Variants in NEGR1 observed in about 807,000 individuals in gnomAD.
NEGR1 encodes the protein neuronal growth regulator 1.
NEGR1 carries 10 observed loss-of-function variants against 40.9 expected under a neutral mutation model. The ratio of observed to expected loss-of-function variants is 0.24; its 90% confidence interval spans 0.15 to 0.42. The LOEUF (loss-of-function observed/expected upper bound fraction) is 0.42. Among genes scored for constraint, NEGR1 ranks in the 10% least tolerant of loss-of-function variants. The probability of loss-of-function intolerance (pLI) is 1.00; values close to 1 mark genes in which losing one functional copy is unlikely to be tolerated. For missense variants in NEGR1, 352 were observed against 438.9 expected (o/e 0.80, Z 1.77); for synonymous variants, 185 against 166.8 (o/e 1.11, Z -0.84).
intron 6 of NEGR1, among the ~76,000 whole-genome samples, chr1:71,466,802 AC>A (rs1369562126): frequency 2.6e-5 from 4 of 151,978 alleles, no homozygotes; most frequent in African/African-American, 9.7e-5. Flanking sequence ...ATGGGTAGAA[AC>A]CCACAGGGGT....
At position 72,066,153 on chromosome 1, in the gene NEGR1, A is replaced by G. The variant is rs910565020; in HGVS notation, c.177-130842T>C. Among the ~76,000 whole-genome samples the G allele has an allele frequency of 2.0e-5, 3 of 152,168 alleles. No individual in the cohort carries two copies. The East Asian group carries it at 5.8e-4, about 29-fold the overall frequency. ...TTCCAATATGTCATGAATTGCATTT[A>G]AAGATATTTATACCAATTATACACA... On this transcript the variant is annotated intron_variant, in intron 1 of 6. Coordinates refer to ENST00000357731, the MANE Select transcript of NEGR1 (RefSeq NM_173808.3).
chr1:71,546,021 T>C lies in NEGR1; in HGVS notation c.940+46796A>G, dbSNP rs375965410. On this transcript the variant is annotated intron_variant, in intron 6 of 6. Transcript: ENST00000357731. ...TTATATCTGTGGAAATAAATCTGTGTCTGATAAACAGACAGGAGTTAAACC... is the reference window on the plus strand; with the variant it reads ...TTATATCTGTGGAAATAAATCTGTGCCTGATAAACAGACAGGAGTTAAACC... Among the ~76,000 whole-genome samples, 574 of 151,888 alleles carry C rather than the reference T, an allele frequency of 3.8e-3. 4 individuals carry two copies. Among genetic ancestry groups the C allele is most frequent in the Admixed American group, 5.6e-3 (86 of 15,232 alleles).
At chr1:71,821,592 C>T (rs375751540) in intron 2 of NEGR1, among the ~76,000 whole-genome samples, 7 of 152,034 alleles carry the variant, frequency 4.6e-5, no homozygotes, top group South Asian at 2.1e-4. Context: ...TGCAACAGCC[C>T]CACCACTTGG....
At chr1:71,662,688 A>AAT (rs532316008) in intron 4 of NEGR1, among the ~76,000 whole-genome samples, 16 of 151,250 alleles carry the variant, frequency 1.1e-4, no homozygotes, top group East Asian at 5.8e-4. Context: ...TACAATCAAG[A>AAT]ATATATATAT....
chr1:71,563,325 C>T (rs930383116), intron 6 of NEGR1, among the ~76,000 whole-genome samples: 1 of 151,876 alleles, frequency 6.6e-6, no homozygotes, highest in Non-Finnish European at 1.5e-5. Context: ...GTGCATGAAC[C>T]CAAGATAGGG....
At chr1:71,751,217 T>C (rs570760236) in intron 3 of NEGR1, among the ~76,000 whole-genome samples, 1 of 152,280 alleles carries the variant, frequency 6.6e-6, no homozygotes. Flanking sequence ...AACTCTTAGC[T>C]AAGATCAGTA....
intron 3 of NEGR1, among the ~76,000 whole-genome samples, chr1:71,731,423 A>G (rs917376707): frequency 2.6e-5 from 4 of 152,164 alleles, no homozygotes; most frequent in South Asian, 2.1e-4. Context: ...CTGGTGTCTG[A>G]AATTATACTT....
intron 1 of NEGR1, among the ~76,000 whole-genome samples, chr1:72,278,259 C>T (rs1656124935): frequency 6.6e-6 from 1 of 152,032 alleles, no homozygotes; most frequent in Non-Finnish European, 1.5e-5. Flanking sequence ...ATCTTTCTTC[C>T]TTTCTTCGAT....
chr1:71,416,046 A>T lies in NEGR1; in HGVS notation c.941-8476T>A, dbSNP rs538143508. ...GGCCTCTAGGGCATCATTTAGTTGA[A>T]GAAAAGAAGGTTTTACAGAAATAAA... On this transcript the variant is annotated intron_variant, in intron 6 of 6. Coordinates refer to ENST00000357731, the MANE Select transcript of NEGR1 (RefSeq NM_173808.3). Among the ~76,000 whole-genome samples, 9 of 152,302 alleles carry T rather than the reference A, an allele frequency of 5.9e-5. No homozygotes were observed. The South Asian group carries it at 1.9e-3, about 32-fold the overall frequency.
chr1:72,010,038 A>G (rs1233385899), intron 1 of NEGR1, among the ~76,000 whole-genome samples: 2 of 152,188 alleles, frequency 1.3e-5, no homozygotes, highest in East Asian at 3.8e-4. Context: ...CACTGGCAAA[A>G]AGGAGATTTA....
chr1:71,780,323 G>C (rs916450058), intron 2 of NEGR1, among the ~76,000 whole-genome samples: 1 of 152,152 alleles, frequency 6.6e-6, no homozygotes, highest in Admixed American at 6.5e-5. Context: ...ATTGATGAGT[G>C]TAAACTCATT....
chr1:72,005,152 C>G (rs943217870), intron 1 of NEGR1, among the ~76,000 whole-genome samples: 1 of 152,042 alleles, frequency 6.6e-6, no homozygotes, highest in Non-Finnish European at 1.5e-5. Flanking sequence ...TTGAAAATAA[C>G]ATATTTGGCA....
intron 2 of NEGR1, among the ~76,000 whole-genome samples, chr1:71,904,206 C>A (rs867520477): frequency 6.6e-6 from 1 of 151,744 alleles, no homozygotes; most frequent in South Asian, 2.1e-4. Context: ...AGAGGACTTG[C>A]GGATATTTAG....
intron 1 of NEGR1, among the ~76,000 whole-genome samples, chr1:71,949,411 A>C (rs879733898): frequency 3.3e-5 from 5 of 152,172 alleles, no homozygotes; most frequent in Non-Finnish European, 1.5e-5. Flanking sequence ...TGTCCTGCTA[A>C]ACTGTACAAG....
At chr1:71,603,508 A>G (rs1649989166) in intron 5 of NEGR1, among the ~76,000 whole-genome samples, 1 of 152,248 alleles carries the variant, frequency 6.6e-6, no homozygotes, top group South Asian at 2.1e-4. Context: ...TAATCCGGTT[A>G]GAATTATACA....
intron 4 of NEGR1, among the ~76,000 whole-genome samples, chr1:71,682,195 A>T (rs913651367): frequency 1.3e-5 from 2 of 151,540 alleles, no homozygotes; most frequent in African/African-American, 4.9e-5. Context: ...TATCTAACAC[A>T]TATTTTCTTT....
At chr1:71,606,895 A>T (rs1650092288) in intron 5 of NEGR1, among the ~76,000 whole-genome samples, 1 of 152,184 alleles carries the variant, frequency 6.6e-6, no homozygotes. Flanking sequence ...CTGCAGGCAG[A>T]GATAGGGCTA....
At chr1:72,249,579 A>C (rs1655017431) in intron 1 of NEGR1, among the ~76,000 whole-genome samples, 1 of 152,218 alleles carries the variant, frequency 6.6e-6, no homozygotes, top group Admixed American at 6.5e-5. Context: ...AAGGCAAGAT[A>C]AGAAACAAAG....
chr1:71,861,340 A>T (rs1047475744), intron 2 of NEGR1, among the ~76,000 whole-genome samples: 24 of 152,022 alleles, frequency 1.6e-4, no homozygotes, highest in African/African-American at 5.8e-4. Context: ...AATCTAAGAG[A>T]GGTGGACTGC....
Sources: gnomAD v4.1 joint callset for allele counts (sites outside exome capture counted in the v4.1 genomes callset) on GRCh38, gnomAD v4.1.1 for gene constraint, MANE v1.5 for transcripts, NCBI Gene and HGNC (gene_info 2026-07-23, HGNC 2026-07-21) for gene names.